The following CLDND1 variants were observed in gnomAD, a reference collection of about 807,000 sequenced individuals.
The protein encoded by CLDND1 is claudin domain containing 1, also known as claudin domain-containing protein 1.
A neutral mutation model predicts 26.3 loss-of-function variants in CLDND1; 13 were observed. That is an observed-to-expected ratio of 0.49 (90% CI 0.32 to 0.78). The LOEUF is 0.78. Ranked by LOEUF, CLDND1 falls within the 30% of genes least tolerant of loss-of-function variation. The pLI, the probability that CLDND1 is intolerant of heterozygous loss-of-function variation, is 0.03. For synonymous variants in CLDND1, 107 were observed against 107.0 expected (o/e 1.00, Z 0.00); for missense variants, 289 against 312.8 (o/e 0.92, Z 0.57).
intron 1 of CLDND1, chr3:98,522,618 G>A: frequency 1.2e-5 from 16 of 1,389,376 alleles, no homozygotes; most frequent in Non-Finnish European, 1.5e-5. Context: ...GGGCCTCACG[G>A]CGGGGCCGGA....
chr3:98,522,373 A>C (rs898996496), intron 1 of CLDND1: 6 of 240,606 alleles, frequency 2.5e-5, no homozygotes, highest in Non-Finnish European at 4.3e-5. Flanking sequence ...ACCGCACCAA[A>C]CACCTTACAA....
At position 98,519,695 on chromosome 3, in the gene CLDND1, G is replaced by C. The variant is rs1346793731; in HGVS notation, c.293-700C>G. ...TTGCCCCAGTCCCACTCCCAAAGTA[G>C]GTCTTTAACAGCATACCCAACTTCC... On this transcript the variant is annotated intron_variant, in intron 2 of 4. Coordinates refer to ENST00000341181, the MANE Select transcript of CLDND1 (RefSeq NM_001040181.2). Among the ~76,000 whole-genome samples, 4 of 152,236 alleles carry C rather than the reference G, an allele frequency of 2.6e-5. No homozygotes were observed. In the East Asian group the frequency reaches 7.7e-4, roughly 29 times the overall value.
chr3:98,521,886 T>C (rs1016119552), intron 1 of CLDND1: 4 of 580,720 alleles, frequency 6.9e-6, no homozygotes, highest in Non-Finnish European at 9.2e-6. Context: ...GCAGTGGAAA[T>C]TGGCTTCTCC....
chr3:98,516,807 G>T lies in CLDND1; in HGVS notation c.614C>A (p.Pro205His), dbSNP rs894317699. Reference protein sequence around the residue: ...IELLHQKLELPDNVSGEFGWS... With the variant: ...IELLHQKLELHDNVSGEFGWS... The stretch of plus-strand genomic sequence containing the variant: ...TCCAAATTCACCGGATACATTGTCA[G>T]GGAGCTCTAGTTTCTGGTGGAGTAG... The change falls in exon 5 of 5, where the codon CCT (proline) becomes CAT (histidine). Residue 205 changes from proline (P) to histidine (H), a missense_variant. Transcript: ENST00000341181. 2 of 1,614,020 alleles carry T rather than the reference G, an allele frequency of 1.2e-6. No individual in the cohort carries two copies. Among genetic ancestry groups the T allele is most frequent in the Non-Finnish European group, 1.7e-6 (2 of 1,180,020 alleles).
chr3:98,515,852 G>A lies in CLDND1; in HGVS notation c.*807C>T. ...ACTGGGCTGGAATAAATAAATAGCA[G>A]TTGAGGAATTTTACCTTGTAACTGT... On this transcript the variant is annotated 3_prime_UTR_variant, in exon 5 of 5. Coordinates refer to ENST00000341181, the MANE Select transcript of CLDND1 (RefSeq NM_001040181.2). 7.8e-7 allele frequency: 1 copy of A among 1,288,690 alleles called. No individual in the cohort carries two copies. The highest frequency in any genetic ancestry group is 1.0e-6 in the Non-Finnish European group (1 of 988,182). The allele number at this position is 1,288,690 out of a possible 1,614,324, so 79.8% of individuals were successfully genotyped here.
chr3:98,520,941 C>A, intron 2 of CLDND1, 192 bp downstream of exon 2: 1 of 497,314 alleles, frequency 2.0e-6, no homozygotes, highest in Non-Finnish European at 3.5e-6. Flanking sequence ...CTCATCCAAC[C>A]AATATTGATG....
At position 98,516,003 on chromosome 3, in the gene CLDND1, C is replaced by T; in HGVS notation, c.*656G>A. 8.6e-7 allele frequency: 1 copy of T among 1,164,842 alleles called. No homozygotes were observed. The highest frequency in any genetic ancestry group is 1.8e-5 in the South Asian group (1 of 56,580). The allele number at this position is 1,164,842 out of a possible 1,614,324, so 72.2% of individuals were successfully genotyped here. A position where few individuals can be genotyped will look rare whatever the true frequency, so the allele number is the denominator to read the frequency against. ...GAGTTAAAAATAATACTAATCCTCG[C>T]CCGGCTGAACTGGAATTCTTGCAGT... On this transcript the variant is annotated 3_prime_UTR_variant, in exon 5 of 5. Transcript: ENST00000341181.
chr3:98,516,852 C>A lies in CLDND1; in HGVS notation c.569G>T (p.Cys190Phe). Residue 190 changes from cysteine to phenylalanine, a missense_variant, in exon 5 of 5, where the codon TGT (cysteine) becomes TTT (phenylalanine). By Grantham distance (205) the Cys-to-Phe change is radical. Coordinates refer to ENST00000341181, the MANE Select transcript of CLDND1 (RefSeq NM_001040181.2). ...AGLCTLGSVSCYVAGIELLHQ... is the reference protein window; with the variant it reads ...AGLCTLGSVSFYVAGIELLHQ... ...GAGTAGTTCAATTCCAGCAACATAA[C>A]AACTTACTGAGCCCAGTGTACACAG... 6.2e-7 allele frequency: 1 copy of A among 1,614,160 alleles called. No homozygotes were observed. The highest frequency in any genetic ancestry group is 8.5e-7 in the Non-Finnish European group (1 of 1,180,016).
At chr3:98,521,070 ATTACG>A in intron 2 of CLDND1, 58 bp downstream of exon 2, 1 of 1,410,382 alleles carries the variant, frequency 7.1e-7, no homozygotes, top group South Asian at 1.3e-5. Context: ...TTGGGCAATC[ATTACG>A]TCGTTTTGTC....
chr3:98,521,750 C>T, intron 1 of CLDND1: 1 of 1,500,682 alleles, frequency 6.7e-7, no homozygotes, highest in Non-Finnish European at 9.3e-7. Flanking sequence ...CAGATACAAA[C>T]AATAGACATG....
chr3:98,517,823 C>T (rs2107144789), intron 3 of CLDND1, among the ~76,000 whole-genome samples: 1 of 152,226 alleles, frequency 6.6e-6, no homozygotes, highest in African/African-American at 2.4e-5. Context: ...TCATAAATAA[C>T]TTGTAAAAAT....
intron 1 of CLDND1, chr3:98,521,798 TAC>T: frequency 9.2e-7 from 1 of 1,084,854 alleles, no homozygotes; most frequent in Non-Finnish European, 1.4e-6. Context: ...CATTTTAAAT[TAC>T]AGACTGAATT....
intron 1 of CLDND1, 197 bp from the exon 2 acceptor site, chr3:98,521,639 G>C (rs755018640): frequency 6.2e-7 from 1 of 1,603,642 alleles, no homozygotes; most frequent in Admixed American, 1.7e-5. Flanking sequence ...AGTACTTATT[G>C]AATGCTCACA....
At chr3:98,517,300 G>A (rs1236981296) in intron 3 of CLDND1, 111 bp from the exon 4 acceptor site, 2 of 1,286,080 alleles carry the variant, frequency 1.6e-6, no homozygotes, top group Non-Finnish European at 2.1e-6. Flanking sequence ...AAGTGTGAAA[G>A]TATTTTAACA....
At chr3:98,518,218 C>G (rs770247706) in intron 3 of CLDND1, among the ~76,000 whole-genome samples, 53 of 152,134 alleles carry the variant, frequency 3.5e-4, no homozygotes, top group Non-Finnish European at 7.2e-4. Context: ...CTTTCAAACT[C>G]TCCTAGTAAT....
chr3:98,522,723 G>C, intron 1 of CLDND1, 126 bp downstream of exon 1: 1 of 1,568,190 alleles, frequency 6.4e-7, no homozygotes, highest in Admixed American at 1.8e-5. Flanking sequence ...TCGGCCCTGG[G>C]ACAAATCCGC....
At position 98,522,693 on chromosome 3, in the gene CLDND1, C is replaced by T. The variant is rs1339305439; in HGVS notation, c.-19+156G>A. ...GGGCCAGGGTCCCCCGGTACCCGAC[C>T]AGGCCCCGCCCTAGAGGGCTCGGCC... On this transcript the variant is annotated intron_variant, in intron 1 of 4. Transcript: ENST00000341181. 21 of 1,475,450 alleles carry T rather than the reference C, an allele frequency of 1.4e-5. 1 individual carries two copies. The East Asian group carries it at 4.2e-4, about 30-fold the overall frequency. The allele number at this position is 1,475,450 out of a possible 1,614,324, so 91.4% of individuals were successfully genotyped here.
At chr3:98,521,100 T>A (rs375868675) in intron 2 of CLDND1, 33 bp downstream of exon 2, 33 of 1,572,270 alleles carry the variant, frequency 2.1e-5, no homozygotes, top group Non-Finnish European at 2.7e-5. Context: ...ATTAACCAGG[T>A]GAAGAAGACA....
Position 98,521,260 on chromosome 3 carries a change from A to T in CLDND1, c.165T>A (p.Ile55=). Reference sequence around the variant, plus strand: ...AAGTCTTTTCATCTGCCTCATCACTAATGAATTCATCCCAGATGCTTTTAT... The same window carrying T: ...AAGTCTTTTCATCTGCCTCATCACTTATGAATTCATCCCAGATGCTTTTAT... The part of the protein sequence containing the change: ...DLNKSIWDEF[I]SDEADEKTYN... The change falls in exon 2 of 5, where the codon ATT becomes ATA. Residue 55 remains isoleucine, a synonymous_variant. Transcript: ENST00000341181. 6.2e-7 allele frequency: 1 copy of T among 1,614,198 alleles called. No individual in the cohort carries two copies. The highest frequency in any genetic ancestry group is 1.7e-5 in the Admixed American group (1 of 60,036).
Sources: gnomAD v4.1 joint callset for allele counts (sites outside exome capture counted in the v4.1 genomes callset) on GRCh38, gnomAD v4.1.1 for gene constraint, MANE v1.5 for transcripts, NCBI Gene and HGNC (gene_info 2026-07-23, HGNC 2026-07-21) for gene names.